Variants in BMPR1B observed in about 807,000 individuals in gnomAD.
BMPR1B encodes bone morphogenetic protein receptor type-1B.
In BMPR1B, 12 loss-of-function variants were observed where a neutral mutation model predicts 59.1. That is an observed-to-expected ratio of 0.20 (90% CI 0.13 to 0.33). The LOEUF (loss-of-function observed/expected upper bound fraction) is 0.33. Among genes scored for constraint, BMPR1B ranks in the 10% least tolerant of loss-of-function variants. The probability of loss-of-function intolerance (pLI) is 1.00; values close to 1 mark genes in which losing one functional copy is unlikely to be tolerated. For missense variants in BMPR1B, 550 were observed against 610.9 expected, an observed-to-expected ratio of 0.90 and a Z score of 1.05; for synonymous variants, 237 against 207.3, an observed-to-expected ratio of 1.14 and a Z score of -1.23.
At chr4:94,814,179 AT>A (rs1416022995) in intron 1 of BMPR1B, among the ~76,000 whole-genome samples, 1 of 152,344 alleles carries the variant, frequency 6.6e-6, no homozygotes, top group East Asian at 1.9e-4. Context: ...TGAAAAAAGA[AT>A]TGTTTTCATA....
At chr4:95,011,734 T>C (rs1723240070) in intron 3 of BMPR1B, among the ~76,000 whole-genome samples, 1 of 152,024 alleles carries the variant, frequency 6.6e-6, no homozygotes, top group African/African-American at 2.4e-5. Context: ...AAAGAAAAGA[T>C]GGGGTTGGGT....
chr4:95,008,360 C>T (rs1030883948), intron 3 of BMPR1B, among the ~76,000 whole-genome samples: 3 of 152,112 alleles, frequency 2.0e-5, no homozygotes, highest in Admixed American at 6.6e-5. Flanking sequence ...GCAGTAACTT[C>T]AGTTTTATGC....
At chr4:95,125,516 TG>T (rs1732844460) in intron 8 of BMPR1B, among the ~76,000 whole-genome samples, 1 of 152,162 alleles carries the variant, frequency 6.6e-6, no homozygotes, top group Non-Finnish European at 1.5e-5. Context: ...TTTTCAGCTG[TG>T]GGGTTTATGT....
chr4:94,843,283 T>C (rs892196085), intron 1 of BMPR1B, among the ~76,000 whole-genome samples: 8 of 152,226 alleles, frequency 5.3e-5, no homozygotes, highest in African/African-American at 1.7e-4. Flanking sequence ...TGTGGAAGTT[T>C]ATTATCAAAA....
intron 3 of BMPR1B, among the ~76,000 whole-genome samples, chr4:95,026,118 C>CTTTCTTTCTTTCTTTCTTTT (rs1724369875): frequency 7.0e-6 from 1 of 143,314 alleles, no homozygotes; most frequent in African/African-American, 2.7e-5. Flanking sequence ...TTCTTTCTTT[C>CTTTCTTTCTTTCTTTCTTTT]TTTCTTTCTT....
At chr4:95,077,060 AAGG>A (rs1167858444) in intron 3 of BMPR1B, among the ~76,000 whole-genome samples, 1 of 152,110 alleles carries the variant, frequency 6.6e-6, no homozygotes, top group African/African-American at 2.4e-5. Flanking sequence ...TAGAAATGGG[AAGG>A]AGATCAGAGA....
chr4:95,151,960 T>G (rs959036431), intron 11 of BMPR1B, among the ~76,000 whole-genome samples: 1 of 152,034 alleles, frequency 6.6e-6, no homozygotes, highest in Non-Finnish European at 1.5e-5. Flanking sequence ...AAAATGAAAG[T>G]TTAGTGTGCA....
intron 3 of BMPR1B, among the ~76,000 whole-genome samples, chr4:95,086,896 T>C (rs1729619643): frequency 2.0e-5 from 3 of 152,140 alleles, no homozygotes; most frequent in Admixed American, 1.3e-4. Flanking sequence ...AGAGAGAAGA[T>C]TTTGATTTGT....
intron 8 of BMPR1B, among the ~76,000 whole-genome samples, chr4:95,126,818 A>G (rs1216276205): frequency 1.3e-5 from 2 of 152,142 alleles, no homozygotes; most frequent in East Asian, 1.9e-4. Flanking sequence ...CTCTCTCCAT[A>G]TATTGATATG....
At chr4:95,055,667 C>G (rs900288756) in intron 3 of BMPR1B, among the ~76,000 whole-genome samples, 2 of 152,196 alleles carry the variant, frequency 1.3e-5, no homozygotes, top group African/African-American at 2.4e-5. Context: ...TAGTTTTCAA[C>G]TTAAGTTCTG....
intron 3 of BMPR1B, among the ~76,000 whole-genome samples, chr4:95,049,253 A>G (rs1380632560): frequency 6.6e-6 from 1 of 151,950 alleles, no homozygotes; most frequent in African/African-American, 2.4e-5. Context: ...AATTGGGAGT[A>G]CAGGTGTGAA....
intron 3 of BMPR1B, among the ~76,000 whole-genome samples, chr4:95,050,433 AG>A (rs1195947598): frequency 6.6e-6 from 1 of 152,152 alleles, no homozygotes; most frequent in African/African-American, 2.4e-5. Context: ...GTATAAATTG[AG>A]GGTGTTGATT....
At chr4:94,969,860 T>G (rs183662222) in intron 2 of BMPR1B, among the ~76,000 whole-genome samples, 1 of 152,308 alleles carries the variant, frequency 6.6e-6, no homozygotes, top group African/African-American at 2.4e-5. Flanking sequence ...ATATTCTAAC[T>G]TTGTCCAATA....
chr4:95,047,701 T>C (rs1361073287), intron 3 of BMPR1B, among the ~76,000 whole-genome samples: 14 of 152,246 alleles, frequency 9.2e-5, no homozygotes, highest in Admixed American at 8.5e-4. Context: ...ACTATCTAAA[T>C]ATATAAATTT....
At chr4:95,093,257 A>AT (rs1478642896) in intron 3 of BMPR1B, among the ~76,000 whole-genome samples, 6 of 151,906 alleles carry the variant, frequency 3.9e-5, no homozygotes, top group Admixed American at 3.9e-4. Context: ...TGTTTTAGAG[A>AT]TTTTTCAAAG....
At chr4:94,801,874 A>C (rs567076638) in intron 1 of BMPR1B, among the ~76,000 whole-genome samples, 1 of 152,150 alleles carries the variant, frequency 6.6e-6, no homozygotes, top group Non-Finnish European at 1.5e-5. Flanking sequence ...AATTTGAGAG[A>C]GTTAACAGTT....
chr4:94,839,903 T>C (rs1724983536), intron 1 of BMPR1B, among the ~76,000 whole-genome samples: 1 of 151,858 alleles, frequency 6.6e-6, no homozygotes, highest in South Asian at 2.1e-4. Context: ...TGGTACCGGT[T>C]GTTCCTTTCC....
chr4:94,903,340 T>C (rs961726418), intron 2 of BMPR1B, among the ~76,000 whole-genome samples: 3 of 151,948 alleles, frequency 2.0e-5, no homozygotes, highest in African/African-American at 4.8e-5. Flanking sequence ...AATGAACTTA[T>C]TATACTCCTG....
intron 2 of BMPR1B, among the ~76,000 whole-genome samples, chr4:94,881,052 T>C (rs1299020104): frequency 2.0e-5 from 3 of 152,196 alleles, no homozygotes; most frequent in Admixed American, 6.5e-5. Flanking sequence ...TGTGGCAAAA[T>C]GTGTATACCA....
Sources: gnomAD v4.1 joint callset for allele counts (sites outside exome capture counted in the v4.1 genomes callset) on GRCh38, gnomAD v4.1.1 for gene constraint, MANE v1.5 for transcripts, NCBI Gene and HGNC (gene_info 2026-07-23, HGNC 2026-07-21) for gene names.